PPP6R3: variants seen among roughly 807,000 people sequenced by gnomAD.
PPP6R3 encodes the protein protein phosphatase 6 regulatory subunit 3.
PPP6R3 carries 38 observed loss-of-function variants against 110.7 expected under a neutral mutation model. The ratio of observed to expected loss-of-function variants is 0.34; its 90% CI spans 0.26 to 0.45. PPP6R3 has a LOEUF of 0.45. PPP6R3 is among the 20% of genes least tolerant of loss of function. The pLI is 1.00. For missense variants in PPP6R3, 870 were observed against 1,062.4 expected (o/e 0.82, Z 2.52); for synonymous variants, 369 against 373.5 (o/e 0.99, Z 0.14).
At chr11:68,597,495 T>C (rs185424578) in intron 19 of PPP6R3, among the ~76,000 whole-genome samples, 3 of 152,006 alleles carry the variant, frequency 2.0e-5, no homozygotes, top group African/African-American at 7.2e-5. Flanking sequence ...CAGTGAAAAA[T>C]GGACGAGAAA....
intron 1 of PPP6R3, among the ~76,000 whole-genome samples, chr11:68,507,045 A>G (rs1030556338): frequency 5.9e-5 from 9 of 152,202 alleles, no homozygotes; most frequent in African/African-American, 1.7e-4. Context: ...CTCTGTTTTA[A>G]TAGCAGCTTA....
chr11:68,580,982 A>G (rs2099552118), intron 14 of PPP6R3, among the ~76,000 whole-genome samples: 1 of 152,044 alleles, frequency 6.6e-6, no homozygotes. Context: ...CATGTTAGCC[A>G]GGATGGTCTC....
rs187128577 is a variant in PPP6R3 at position 68,474,778 on chromosome 11, A to C, written c.-158+13951A>C. On this transcript the variant is annotated intron_variant, in intron 1 of 23. Coordinates refer to ENST00000393800, the MANE Select transcript of PPP6R3 (RefSeq NM_001164161.2). ...AAATCTTTGTTTTTTCCTGAGTCACATTTGGTAGTTTATGTTAAAAAGTTT... is the reference window on the plus strand; with the variant it reads ...AAATCTTTGTTTTTTCCTGAGTCACCTTTGGTAGTTTATGTTAAAAAGTTT... 4.6e-5 allele frequency among the ~76,000 whole-genome samples: 7 copies of C among 152,226 alleles called. No homozygotes were observed. The East Asian group carries it at 1.3e-3, about 29-fold the overall frequency.
At chr11:68,610,153 A>G in intron 23 of PPP6R3, 130 bp downstream of exon 23, 1 of 1,296,150 alleles carries the variant, frequency 7.7e-7, no homozygotes, top group East Asian at 2.5e-5. Context: ...ACCTGGCAGG[A>G]CAGGGTTTTC....
At chr11:68,600,190 T>C in intron 19 of PPP6R3, 151 bp from the exon 20 acceptor site, 1 of 771,410 alleles carries the variant, frequency 1.3e-6, no homozygotes, top group Non-Finnish European at 2.2e-6. Context: ...GCCCTCCAGG[T>C]GGCTGTGCCC....
chr11:68,552,932 A>G (rs2099386639), intron 6 of PPP6R3, among the ~76,000 whole-genome samples: 1 of 152,238 alleles, frequency 6.6e-6, no homozygotes, highest in Non-Finnish European at 1.5e-5. Context: ...ATGACTTAGA[A>G]GAAAGTTAAT....
chr11:68,582,493 CT>C (rs1387319284), intron 14 of PPP6R3, among the ~76,000 whole-genome samples: 1 of 152,150 alleles, frequency 6.6e-6, no homozygotes, highest in Non-Finnish European at 1.5e-5. Context: ...GATTTGGGGT[CT>C]TTTGTGAGTG....
chr11:68,538,254 G>A (rs187107045), intron 3 of PPP6R3, among the ~76,000 whole-genome samples: 2 of 152,306 alleles, frequency 1.3e-5, no homozygotes, highest in African/African-American at 4.8e-5. Flanking sequence ...TCAGAGCTTG[G>A]GGTTGTGAAG....
At chr11:68,593,552 G>A (rs1301631609) in intron 18 of PPP6R3, among the ~76,000 whole-genome samples, 1 of 152,058 alleles carries the variant, frequency 6.6e-6, no homozygotes, top group African/African-American at 2.4e-5. Context: ...ATAACAAAAC[G>A]AAAAGTTATT....
chr11:68,569,928 C>T (rs1270075158), intron 11 of PPP6R3, 31 bp downstream of exon 11: 1 of 1,584,366 alleles, frequency 6.3e-7, no homozygotes, highest in Non-Finnish European at 8.6e-7. Flanking sequence ...TTTTCTCCCA[C>T]TCTCTCCTGG....
intron 9 of PPP6R3, 98 bp downstream of exon 9, chr11:68,564,530 G>T: frequency 7.5e-7 from 1 of 1,330,080 alleles, no homozygotes; most frequent in South Asian, 1.4e-5. Context: ...AACTGGCTGT[G>T]GTCTGCATGT....
intron 12 of PPP6R3, among the ~76,000 whole-genome samples, chr11:68,572,361 C>T (rs946459030): frequency 3.3e-5 from 5 of 152,220 alleles, no homozygotes; most frequent in East Asian, 3.9e-4. Flanking sequence ...AGGGGGATCC[C>T]GAAAGAACTT....
intron 5 of PPP6R3, among the ~76,000 whole-genome samples, chr11:68,550,445 T>G (rs1413546929): frequency 2.0e-5 from 3 of 152,214 alleles, no homozygotes; most frequent in East Asian, 3.8e-4. Context: ...GTTTTGGGCT[T>G]CTTATGGCAT....
At position 68,506,437 on chromosome 11, in the gene PPP6R3, A is replaced by AAAAAT. The variant is rs2099077934; in HGVS notation, c.-157-13060_-157-13059insTAAAA. Among the ~76,000 whole-genome samples the AAAAAT allele has an allele frequency of 2.7e-5, 4 of 146,832 alleles. 1 individual carries two copies. The highest frequency in any genetic ancestry group is 2.7e-4 in the Admixed American group (4 of 14,790). On this transcript the variant is annotated intron_variant, in intron 1 of 23. Coordinates refer to ENST00000393800, the MANE Select transcript of PPP6R3 (RefSeq NM_001164161.2). Reference sequence around the variant, plus strand: ...CTCAAAAAAAAAAAAAAAAAAAAAAAAAAAAAAAAAATTCCTAACTGTAAA... The same window carrying AAAAAT: ...CTCAAAAAAAAAAAAAAAAAAAAAAAAAAATAAAAAAAAAAATTCCTAACTGTAAA...
chr11:68,515,059 C>T (rs1006411379), intron 1 of PPP6R3: 4 of 152,088 alleles, frequency 2.6e-5, no homozygotes, highest in African/African-American at 9.7e-5. Context: ...CTCCCAGGAC[C>T]AGATGTGGAG....
At chr11:68,473,201 T>C (rs966418485) in intron 1 of PPP6R3, among the ~76,000 whole-genome samples, 1 of 152,206 alleles carries the variant, frequency 6.6e-6, no homozygotes, top group African/African-American at 2.4e-5. Flanking sequence ...GTTGGGACTT[T>C]CAGCTCCACC....
At chr11:68,539,190 T>C (rs1381806207) in intron 3 of PPP6R3, among the ~76,000 whole-genome samples, 1 of 152,160 alleles carries the variant, frequency 6.6e-6, no homozygotes, top group Non-Finnish European at 1.5e-5. Flanking sequence ...GTGGTATGCA[T>C]CAGAGAGCAC....
chr11:68,606,365 C>T (rs970727935), intron 22 of PPP6R3, among the ~76,000 whole-genome samples: 6 of 151,946 alleles, frequency 3.9e-5, no homozygotes, highest in African/African-American at 1.5e-4. Context: ...ATGTGGATCT[C>T]GGCTCACTGC....
At chr11:68,528,698 G>A (rs754418) in intron 2 of PPP6R3, among the ~76,000 whole-genome samples, 4,455 of 152,198 alleles carry the variant, frequency 0.029, 247 homozygotes, top group African/African-American at 0.1. Flanking sequence ...GAGTGACTCT[G>A]CTTTTTCCTG....
Sources: allele counts gnomAD v4.1 joint callset (sites outside exome capture counted in the v4.1 genomes callset), GRCh38; gene constraint gnomAD v4.1.1; transcripts MANE v1.5; gene names NCBI Gene and HGNC (gene_info 2026-07-23, HGNC 2026-07-21).